FGF12: variants seen among roughly 807,000 people sequenced by gnomAD.
The protein encoded by FGF12 is fibroblast growth factor 12B.
In FGF12, 14 loss-of-function variants were observed where a neutral mutation model predicts 23.6. The ratio of observed to expected loss-of-function variants is 0.59; its 90% confidence interval spans 0.39 to 0.93. FGF12 has a LOEUF of 0.93. Ranked by LOEUF, FGF12 falls within the 40% of genes least tolerant of loss-of-function variation. The probability of loss-of-function intolerance (pLI) is 0.00; values close to 1 mark genes in which losing one functional copy is unlikely to be tolerated. For missense variants in FGF12, 175 were observed against 217.8 expected (o/e 0.80, Z 1.24); for synonymous variants, 62 against 77.3 (o/e 0.80, Z 1.04).
chr3:192,330,209 C>A lies in FGF12; in HGVS notation c.228+5152G>T, dbSNP rs115079722. Among the ~76,000 whole-genome samples, 600 of 152,136 alleles carry A rather than the reference C, an allele frequency of 3.9e-3. 2 individuals carry two copies. Among genetic ancestry groups the A allele is most frequent in the African/African-American group, 0.014 (574 of 41,506 alleles). On this transcript the variant is annotated intron_variant, in intron 4 of 5. Coordinates refer to ENST00000445105, the MANE Select transcript of FGF12 (RefSeq NM_004113.6). ...CAAAATCTCAATGTCGTTTTTTGCA[C>A]TAATAGAAAACTCCATTCCAAAATT...
At chr3:192,177,738 C>T (rs1303005291) in intron 4 of FGF12, among the ~76,000 whole-genome samples, 2 of 152,176 alleles carry the variant, frequency 1.3e-5, no homozygotes, top group African/African-American at 2.4e-5. Context: ...AATCAATATT[C>T]CTTGTTCTTG....
intron 2 of FGF12, among the ~76,000 whole-genome samples, chr3:192,651,543 A>C (rs375105240): frequency 6.6e-6 from 1 of 152,224 alleles, no homozygotes; most frequent in Non-Finnish European, 1.5e-5. Context: ...AAAACAAATT[A>C]AAAACAAAAA....
chr3:192,337,054 A>G (rs1474428211), intron 3 of FGF12, among the ~76,000 whole-genome samples: 3 of 152,170 alleles, frequency 2.0e-5, no homozygotes, highest in Non-Finnish European at 4.4e-5. Context: ...ATTTCTTGCT[A>G]TATTCTTACC....
intron 2 of FGF12, among the ~76,000 whole-genome samples, chr3:192,548,040 T>C (rs1028963094): frequency 8.5e-5 from 13 of 152,192 alleles, no homozygotes; most frequent in African/African-American, 2.9e-4. Context: ...ACTACAGGAT[T>C]TGAAAATGCC....
At chr3:192,676,640 A>T (rs1011107469) in intron 2 of FGF12, among the ~76,000 whole-genome samples, 5 of 152,178 alleles carry the variant, frequency 3.3e-5, no homozygotes, top group African/African-American at 1.2e-4. Flanking sequence ...GGGCCCTTAC[A>T]CAGGTAATCA....
intron 2 of FGF12, among the ~76,000 whole-genome samples, chr3:192,499,341 G>T (rs998313408): frequency 2.6e-5 from 4 of 150,980 alleles, no homozygotes; most frequent in Non-Finnish European, 4.4e-5. Flanking sequence ...CAAATCCCAA[G>T]TGTACTAAGA....
At chr3:192,246,823 CA>C (rs749598472) in intron 4 of FGF12, among the ~76,000 whole-genome samples, 2,836 of 48,730 alleles carry the variant, frequency 0.058, 59 homozygotes, top group African/African-American at 0.15. Context: ...GAAACTCCGT[CA>C]AAAAAAAAAA....
At chr3:192,491,946 C>A (rs1050524356) in intron 2 of FGF12, among the ~76,000 whole-genome samples, 4 of 152,090 alleles carry the variant, frequency 2.6e-5, no homozygotes, top group Admixed American at 2.6e-4. Context: ...TTAAGTTGAG[C>A]TCAAACACAA....
chr3:192,584,486 G>A (rs568003730), intron 2 of FGF12, among the ~76,000 whole-genome samples: 2 of 152,178 alleles, frequency 1.3e-5, no homozygotes, highest in Non-Finnish European at 2.9e-5. Flanking sequence ...AGCAGACTGC[G>A]ATGGGTTCAG....
intron 2 of FGF12, among the ~76,000 whole-genome samples, chr3:192,495,531 G>A (rs2134124): frequency 0.82 from 125,012 of 152,078 alleles, 52,268 homozygotes; most frequent in Non-Finnish European, 0.9. Flanking sequence ...GATCTTTACA[G>A]AACTCCAGGA....
At chr3:192,381,322 C>T (rs1469827716) in intron 2 of FGF12, among the ~76,000 whole-genome samples, 2 of 152,142 alleles carry the variant, frequency 1.3e-5, no homozygotes, top group Non-Finnish European at 2.9e-5. Flanking sequence ...AAAATACGCA[C>T]CAAATAAGGT....
intron 2 of FGF12, among the ~76,000 whole-genome samples, chr3:192,620,258 GCACACA>G (rs5855440): frequency 0.013 from 1,992 of 151,346 alleles, 45 homozygotes; most frequent in African/African-American, 0.046. Flanking sequence ...GCGCGCGCAC[GCACACA>G]CACACACACA....
At chr3:192,631,041 T>G (rs1270816325) in intron 2 of FGF12, among the ~76,000 whole-genome samples, 4 of 152,160 alleles carry the variant, frequency 2.6e-5, no homozygotes, top group African/African-American at 7.2e-5. Flanking sequence ...GGTTCCATAT[T>G]CTGGAGTTCA....
intron 2 of FGF12, among the ~76,000 whole-genome samples, chr3:192,726,722 A>T (rs1392514649): frequency 6.6e-6 from 1 of 152,166 alleles, no homozygotes; most frequent in Non-Finnish European, 1.5e-5. Context: ...ACACACCCAG[A>T]AATACCATCT....
At chr3:192,188,496 T>C (rs1010586375) in intron 4 of FGF12, among the ~76,000 whole-genome samples, 1 of 152,196 alleles carries the variant, frequency 6.6e-6, no homozygotes, top group Non-Finnish European at 1.5e-5. Context: ...GTCCCATGAT[T>C]CTTATATCTA....
intron 3 of FGF12, among the ~76,000 whole-genome samples, chr3:192,345,204 G>A (rs61673250): frequency 0.21 from 31,299 of 152,066 alleles, 4,887 homozygotes; most frequent in East Asian, 0.59. Flanking sequence ...GATGGTACCT[G>A]CCATCATAGT....
chr3:192,677,858 C>A lies in FGF12; in HGVS notation c.13+49323G>T, dbSNP rs145067318. 2.2e-4 allele frequency among the ~76,000 whole-genome samples: 34 copies of A among 152,288 alleles called. 1 individual carries two copies. Among genetic ancestry groups the A allele is most frequent in the Non-Finnish European group, 3.7e-4 (25 of 68,016 alleles). ...AATCCATACGTCTGGGGCAGGCTGA[C>A]TGAGAATCCATTCATCAGAAGAGGA... On this transcript the variant is annotated intron_variant, in intron 2 of 5. Coordinates refer to ENST00000445105, the MANE Select transcript of FGF12 (RefSeq NM_004113.6).
intron 5 of FGF12, among the ~76,000 whole-genome samples, chr3:192,167,394 T>A (rs73887249): frequency 6.6e-6 from 1 of 151,782 alleles, no homozygotes; most frequent in East Asian, 1.9e-4. Flanking sequence ...AGGGCCAGCA[T>A]GTGTGGTTGT....
In FGF12 at chr3:192,602,202, A is replaced by C. The variant is rs150852243; in HGVS notation, c.13+124979T>G. On this transcript the variant is annotated intron_variant, in intron 2 of 5. Coordinates refer to ENST00000445105, the MANE Select transcript of FGF12 (RefSeq NM_004113.6). ...TAGTGGGGAGATTGTGTATGTGGTG[A>C]GAGGGAGAGGATATATAGGAACTTT... 2.6e-3 allele frequency among the ~76,000 whole-genome samples: 402 copies of C among 152,272 alleles called. 3 individuals are homozygous for C. Among genetic ancestry groups the C allele is most frequent in the African/African-American group, 9.1e-3 (377 of 41,564 alleles).
Sources: allele counts gnomAD v4.1 joint callset (sites outside exome capture counted in the v4.1 genomes callset), GRCh38; gene constraint gnomAD v4.1.1; transcripts MANE v1.5; gene names NCBI Gene and HGNC (gene_info 2026-07-23, HGNC 2026-07-21).